The following CHD9 variants were observed in gnomAD, a reference collection of about 807,000 sequenced individuals.
CHD9 encodes the protein chromodomain helicase DNA binding protein 9, also known as ATP-dependent chromatin remodeler CHD9.
Under a neutral mutation model 316.1 loss-of-function variants are expected in CHD9, and 77 were observed. The observed-to-expected ratio is 0.24, with a 90% CI of 0.20 to 0.29. The LOEUF is 0.29. Ranked by LOEUF, CHD9 falls within the 10% of genes least tolerant of loss-of-function variation. The pLI is 1.00. For synonymous variants in CHD9, 1,129 were observed against 1,158.3 expected (o/e 0.97, Z 0.51); for missense variants, 2,763 against 3,438.1 (o/e 0.80, Z 4.91).
At chr16:53,144,846 G>T (rs1021900096) in intron 1 of CHD9, among the ~76,000 whole-genome samples, 2 of 151,746 alleles carry the variant, frequency 1.3e-5, no homozygotes, top group African/African-American at 4.8e-5. Context: ...TTAAAAATCA[G>T]CCAGGCATGG....
chr16:53,261,634 C>G (rs903141839), intron 19 of CHD9, among the ~76,000 whole-genome samples: 2 of 151,928 alleles, frequency 1.3e-5, no homozygotes, highest in African/African-American at 2.4e-5. Context: ...GCCTTGGCCT[C>G]CCAGAGTTTT....
At chr16:53,232,140 T>A (rs558156733) in intron 10 of CHD9, among the ~76,000 whole-genome samples, 1 of 152,342 alleles carries the variant, frequency 6.6e-6, no homozygotes, top group Admixed American at 6.5e-5. Context: ...TTTCCAGTAA[T>A]GTCCGTAGGC....
At chr16:53,074,778 C>A (rs1295291755) in intron 1 of CHD9, among the ~76,000 whole-genome samples, 5 of 152,228 alleles carry the variant, frequency 3.3e-5, no homozygotes, top group Non-Finnish European at 5.9e-5. Context: ...CCTGGATGCC[C>A]AGGCAGAAGT....
At chr16:53,096,532 T>C (rs779331021) in intron 1 of CHD9, among the ~76,000 whole-genome samples, 3 of 152,154 alleles carry the variant, frequency 2.0e-5, no homozygotes, top group Non-Finnish European at 4.4e-5. Context: ...ATTTTGTAGA[T>C]GGGAAACTGA....
intron 2 of CHD9, among the ~76,000 whole-genome samples, chr16:53,174,179 G>A (rs2042958631): frequency 6.6e-6 from 1 of 152,168 alleles, no homozygotes; most frequent in African/African-American, 2.4e-5. Context: ...AGCTCCTCAG[G>A]TGGCTGAGGT....
chr16:53,098,835 G>T (rs1299746583), intron 1 of CHD9, among the ~76,000 whole-genome samples: 1 of 152,192 alleles, frequency 6.6e-6, no homozygotes, highest in African/African-American at 2.4e-5. Flanking sequence ...CCAAACTGGG[G>T]TGCATCATTA....
chr16:53,213,147 G>C (rs571207855), intron 3 of CHD9, among the ~76,000 whole-genome samples: 1 of 152,244 alleles, frequency 6.6e-6, no homozygotes, highest in African/African-American at 2.4e-5. Context: ...ACTTATTAAT[G>C]GCTATTTTGA....
At chr16:53,057,527 G>T (rs1383124140) in intron 1 of CHD9, among the ~76,000 whole-genome samples, 1 of 151,912 alleles carries the variant, frequency 6.6e-6, no homozygotes, top group Non-Finnish European at 1.5e-5. Flanking sequence ...GGTGGCAAGA[G>T]CCCGTAATCC....
intron 2 of CHD9, among the ~76,000 whole-genome samples, chr16:53,200,410 A>C (rs1356771193): frequency 6.7e-6 from 1 of 148,156 alleles, no homozygotes; most frequent in East Asian, 2.0e-4. Context: ...TTAGCCAGGC[A>C]TGGTGGCGGA....
intron 1 of CHD9, among the ~76,000 whole-genome samples, chr16:53,088,073 G>A (rs2035617012): frequency 6.6e-6 from 1 of 152,014 alleles, no homozygotes; most frequent in Non-Finnish European, 1.5e-5. Context: ...TGTTAGAGCG[G>A]GACTCTCCTT....
chr16:53,204,539 CTATT>C (rs1220890743), intron 2 of CHD9, among the ~76,000 whole-genome samples: 4 of 152,106 alleles, frequency 2.6e-5, no homozygotes, highest in Admixed American at 6.5e-5. Context: ...CTCTTCTACT[CTATT>C]TGTTTTTTTG....
Position 53,238,480 on chromosome 16 carries a change from A to G in CHD9, c.2771A>G (p.Glu924Gly). ...IAPLSTIANWEREFRTWTDIN... is the reference protein window; with the variant it reads ...IAPLSTIANWGREFRTWTDIN... Reference sequence around the variant, plus strand: ...CCACTTTCTACTATTGCAAACTGGGAGAGAGAATTTCGTACGTGGACTGAT... The same window carrying G: ...CCACTTTCTACTATTGCAAACTGGGGGAGAGAATTTCGTACGTGGACTGAT... Residue 924 changes from glutamate to glycine, a missense_variant, in exon 12 of 39, where the codon GAG (glutamate) becomes GGG (glycine). By Grantham distance (98) the Glu-to-Gly change is moderately conservative. This residue lies in a region of CHD9 where 186 missense variants were observed against 245.0 expected (regional missense o/e 0.76). Coordinates refer to ENST00000447540, the MANE Select transcript of CHD9 (RefSeq NM_001308319.2). 3 of 1,613,404 alleles carry G rather than the reference A, an allele frequency of 1.9e-6. No homozygotes were observed. Among genetic ancestry groups the G allele is most frequent in the Non-Finnish European group, 2.5e-6 (3 of 1,179,528 alleles).
At chr16:53,318,639 G>T (rs917697773) in intron 37 of CHD9, among the ~76,000 whole-genome samples, 2 of 152,162 alleles carry the variant, frequency 1.3e-5, no homozygotes, top group African/African-American at 2.4e-5. Context: ...TCTCATCGGG[G>T]TGATTTCACC....
chr16:53,301,245 A>G (rs1258704440), intron 30 of CHD9, among the ~76,000 whole-genome samples: 1 of 152,178 alleles, frequency 6.6e-6, no homozygotes, highest in East Asian at 1.9e-4. Flanking sequence ...TTTGGCTAAG[A>G]TCAAATGTAA....
At chr16:53,284,615 C>G (rs2053699924) in intron 24 of CHD9, among the ~76,000 whole-genome samples, 2 of 152,054 alleles carry the variant, frequency 1.3e-5, no homozygotes, top group African/African-American at 2.4e-5. Context: ...ATTATAGTTG[C>G]AAAATTGCCC....
intron 2 of CHD9, among the ~76,000 whole-genome samples, chr16:53,189,371 T>C (rs1242651430): frequency 1.3e-5 from 2 of 152,044 alleles, no homozygotes; most frequent in Non-Finnish European, 1.5e-5. Context: ...GTTTTTATCA[T>C]GAAAAGATGT....
At chr16:53,146,401 A>C (rs1313399433) in intron 1 of CHD9, among the ~76,000 whole-genome samples, 1 of 117,212 alleles carries the variant, frequency 8.5e-6, no homozygotes, top group Non-Finnish European at 1.7e-5. Flanking sequence ...AAAAAAAAAA[A>C]ATTGTGTGTG....
intron 1 of CHD9, among the ~76,000 whole-genome samples, chr16:53,064,732 G>A (rs1168753486): frequency 6.6e-6 from 1 of 152,216 alleles, no homozygotes; most frequent in East Asian, 1.9e-4. Flanking sequence ...CCAGCACTTT[G>A]GGAGGCCAAG....
At chr16:53,181,691 T>A (rs143383425) in intron 2 of CHD9, among the ~76,000 whole-genome samples, 1 of 152,196 alleles carries the variant, frequency 6.6e-6, no homozygotes, top group Admixed American at 6.5e-5. Flanking sequence ...CAACATGATA[T>A]TGAATGAGTT....
Sources: allele counts gnomAD v4.1 joint callset (sites outside exome capture counted in the v4.1 genomes callset), GRCh38; gene constraint gnomAD v4.1.1; regional missense constraint gnomAD v4.1.1; transcripts MANE v1.5; gene names NCBI Gene and HGNC (gene_info 2026-07-23, HGNC 2026-07-21).